The following ZNF282 variants were observed in gnomAD, a reference collection of about 807,000 sequenced individuals.
ZNF282 encodes the protein zinc finger protein 282.
A neutral mutation model predicts 61.9 loss-of-function variants in ZNF282; 30 were observed. That is an observed-to-expected ratio of 0.48 (90% CI 0.36 to 0.66). ZNF282 has a LOEUF of 0.66. Among genes scored for constraint, ZNF282 ranks in the 30% least tolerant of loss-of-function variants. The pLI is 0.00. For missense variants in ZNF282, 788 were observed against 941.4 expected, an observed-to-expected ratio of 0.84 and a Z score of 2.13; for synonymous variants, 396 against 405.0, an observed-to-expected ratio of 0.98 and a Z score of 0.27.
At chr7:149,211,609 G>C (rs1000201914) in intron 5 of ZNF282, among the ~76,000 whole-genome samples, 18 of 152,192 alleles carry the variant, frequency 1.2e-4, no homozygotes, top group African/African-American at 4.3e-4. Flanking sequence ...GAGCCAAGTT[G>C]ACACATAAAA....
At chr7:149,200,608 T>TA (rs748720171) in intron 2 of ZNF282, among the ~76,000 whole-genome samples, 3,343 of 151,520 alleles carry the variant, frequency 0.022, 67 homozygotes, top group Admixed American at 0.048. Flanking sequence ...TTTATTTATT[T>TA]TTTTTGAGAC....
intron 7 of ZNF282, 58 bp downstream of exon 7, chr7:149,213,872 G>A: frequency 7.7e-7 from 1 of 1,304,624 alleles, no homozygotes; most frequent in Non-Finnish European, 1.1e-6. Flanking sequence ...TACAGCTGAG[G>A]CGTGGACGAA....
rs530683910 is a variant in ZNF282, at chr7:149,223,979, G to A, written c.1348G>A (p.Asp450Asn). 4.7e-6 allele frequency: 6 copies of A among 1,275,364 alleles called. No individual in the cohort carries two copies. Among genetic ancestry groups the A allele is most frequent in the African/African-American group, 1.6e-5 (1 of 64,326 alleles). The allele number at this position is 1,275,364 out of a possible 1,614,324, so 79.0% of individuals were successfully genotyped here. The stretch of plus-strand genomic sequence containing the variant: ...CCCCCCGAGCCGAGGGCTGCTGGAC[G>A]ACGGTTTCCAGGTGCTGCCCGGGGA... The part of the protein sequence containing the change: ...GGPPSRGLLD[D>N]GFQVLPGERG... The change falls in exon 8 of 8, where the codon GAC becomes AAC. Residue 450 changes from aspartate (D) to asparagine (N), a missense_variant. Asp to Asn is a conservative substitution (Grantham distance 23). Transcript: ENST00000610704.
At chr7:149,199,171 G>A (rs900006711) in intron 2 of ZNF282, among the ~76,000 whole-genome samples, 40 of 152,132 alleles carry the variant, frequency 2.6e-4, no homozygotes, top group Non-Finnish European at 3.5e-4. Flanking sequence ...CTTTCAAGTC[G>A]TAGTCACTTA....
At chr7:149,208,193 GT>G (rs896528849) in intron 4 of ZNF282, among the ~76,000 whole-genome samples, 3 of 151,962 alleles carry the variant, frequency 2.0e-5, no homozygotes, top group Non-Finnish European at 4.4e-5. Flanking sequence ...TTGTTTTTTT[GT>G]TTTTTGTTTC....
intron 6 of ZNF282, 97 bp downstream of exon 6, chr7:149,212,568 A>C (rs1361795166): frequency 9.0e-6 from 9 of 996,134 alleles, no homozygotes; most frequent in Admixed American, 7.9e-5. Context: ...GCTGATACTA[A>C]AATTACTTCA....
chr7:149,202,550 G>T (rs1030893410), intron 2 of ZNF282, among the ~76,000 whole-genome samples: 1 of 151,794 alleles, frequency 6.6e-6, no homozygotes, highest in Non-Finnish European at 1.5e-5. Context: ...TCCTGACCTC[G>T]TGATCTGCCC....
chr7:149,220,205 G>A (rs201483042), intron 7 of ZNF282, among the ~76,000 whole-genome samples: 6 of 152,112 alleles, frequency 3.9e-5, no homozygotes, highest in African/African-American at 1.2e-4. Flanking sequence ...TCAGGAGATC[G>A]AGACCATCCT....
intron 1 of ZNF282, among the ~76,000 whole-genome samples, chr7:149,197,033 C>T (rs189760895): frequency 6.6e-6 from 1 of 152,328 alleles, no homozygotes; most frequent in East Asian, 1.9e-4. Flanking sequence ...GAAGGAGAGT[C>T]GGCTGCCAGC....
intron 4 of ZNF282, 33 bp downstream of exon 4, chr7:149,207,503 G>A: frequency 6.4e-7 from 1 of 1,554,334 alleles, no homozygotes; most frequent in Non-Finnish European, 8.7e-7. Flanking sequence ...CGGGGTCCAG[G>A]GAAGGGCGAG....
chr7:149,196,863 G>A (rs1295353815), intron 1 of ZNF282, among the ~76,000 whole-genome samples: 3 of 152,104 alleles, frequency 2.0e-5, no homozygotes, highest in South Asian at 2.1e-4. Flanking sequence ...GCTGTGTCCC[G>A]GAGCAGGTCT....
intron 2 of ZNF282, among the ~76,000 whole-genome samples, chr7:149,204,640 A>G (rs1361192168): frequency 6.6e-6 from 1 of 152,198 alleles, no homozygotes; most frequent in African/African-American, 2.4e-5. Flanking sequence ...ACCTGAGATC[A>G]AAGACAGACA....
intron 7 of ZNF282, among the ~76,000 whole-genome samples, chr7:149,223,285 T>A (rs1796288193): frequency 1.4e-5 from 1 of 73,732 alleles, no homozygotes; most frequent in Admixed American, 1.1e-4. Flanking sequence ...AAAAGATTTG[T>A]TTTTTTTTTT....
intron 7 of ZNF282, among the ~76,000 whole-genome samples, chr7:149,220,333 AC>A (rs776518960): frequency 7.9e-5 from 12 of 151,974 alleles, no homozygotes; most frequent in Non-Finnish European, 1.5e-4. Flanking sequence ...AATGGCGTGA[AC>A]CCAGGAGGCG....
intron 7 of ZNF282, among the ~76,000 whole-genome samples, chr7:149,221,578 AAC>A (rs1290587685): frequency 6.6e-6 from 1 of 152,116 alleles, no homozygotes; most frequent in African/African-American, 2.4e-5. Flanking sequence ...CAGAGAAGCA[AAC>A]ACCCTCAGTG....
chr7:149,198,206 A>G lies in ZNF282; in HGVS notation c.166-127A>G. On this transcript the variant is annotated intron_variant, in intron 1 of 7. Transcript: ENST00000610704. This position sits in a 1 kb window ranked among gnomAD's most constrained non-coding sequence, Gnocchi z 4.3. ...TTGCTGGGGGTGTTAGTGTATCCTG[A>G]GTTACGGGGGCCTGGCAGAAGAAAG... The G allele has an allele frequency of 8.9e-7, 1 of 1,117,894 alleles. No individual in the cohort carries two copies. The highest frequency in any genetic ancestry group is 1.6e-5 in the South Asian group (1 of 63,076). The allele number at this position is 1,117,894 out of a possible 1,614,324, so 69.2% of individuals were successfully genotyped here.
At position 149,212,479 on chromosome 7, in the gene ZNF282, C is replaced by G. The variant is rs371212118; in HGVS notation, c.1066+8C>G. 1 of 1,594,846 alleles carries G rather than the reference C, an allele frequency of 6.3e-7. No homozygotes were observed. The highest frequency in any genetic ancestry group is 8.6e-7 in the Non-Finnish European group (1 of 1,167,900). ...CCACGGATCCCAATTCAGGTGAGAA[C>G]AAGGTCAGAATGAATCTTGAGGGCA... On this transcript the variant is annotated splice_region_variant and intron_variant, in intron 6 of 7. Coordinates refer to ENST00000610704, the MANE Select transcript of ZNF282 (RefSeq NM_003575.4).
chr7:149,199,006 T>A (rs954484325), intron 2 of ZNF282, among the ~76,000 whole-genome samples: 11 of 152,318 alleles, frequency 7.2e-5, no homozygotes, highest in African/African-American at 2.4e-4. Context: ...CCTAGACCCC[T>A]CTGAGTTGTC....
In ZNF282 at chr7:149,212,425, T is replaced by A. The variant is rs746133307; in HGVS notation, c.1020T>A (p.Asp340Glu). 1 of 1,613,290 alleles carries A rather than the reference T, an allele frequency of 6.2e-7. No individual in the cohort carries two copies. The highest frequency in any genetic ancestry group is 8.5e-7 in the Non-Finnish European group (1 of 1,179,678). The change falls in exon 6 of 8, where the codon GAT becomes GAA. Residue 340 changes from aspartate to glutamate, a missense_variant. Asp to Glu is a conservative substitution (Grantham distance 45, BLOSUM62 2). Coordinates refer to ENST00000610704, the MANE Select transcript of ZNF282 (RefSeq NM_003575.4). ...AGGAGGAGCATCAGTGCGTGTGGGA[T>A]CAGCAGGATTTGGCAGACAGAGATA... The part of the protein sequence containing the change: ...IKQEEHQCVW[D>E]QQDLADRDIP...
Sources: gnomAD v4.1 joint callset for allele counts (sites outside exome capture counted in the v4.1 genomes callset) on GRCh38, gnomAD v4.1.1 for gene constraint, Gnocchi (gnomAD v3.1) non-coding constraint, MANE v1.5 for transcripts, NCBI Gene and HGNC (gene_info 2026-07-23, HGNC 2026-07-21) for gene names.